The following HEPHL1 variants were observed in gnomAD, a reference collection of about 807,000 sequenced individuals.
The protein encoded by HEPHL1 is ferroxidase HEPHL1.
HEPHL1 carries 123 observed loss-of-function variants against 122.0 expected under a neutral mutation model. That is an observed-to-expected ratio of 1.01 (90% CI 0.87 to 1.17). The LOEUF (loss-of-function observed/expected upper bound fraction) is 1.17, where lower values mean the gene tolerates loss of function less well. HEPHL1 is among the 50% of genes most tolerant of loss of function. The probability of loss-of-function intolerance (pLI) is 0.00; values close to 1 mark genes in which losing one functional copy is unlikely to be tolerated. For missense variants in HEPHL1, 1,452 were observed against 1,430.5 expected (o/e 1.01, Z -0.24); for synonymous variants, 527 against 508.9 (o/e 1.04, Z -0.48).
intron 13 of HEPHL1, among the ~76,000 whole-genome samples, chr11:94,097,331 G>C (rs148516052): frequency 5.6e-4 from 85 of 152,326 alleles, no homozygotes; most frequent in Non-Finnish European, 9.8e-4. Context: ...GTGATTTTGA[G>C]TGAGTTCCTT....
At chr11:94,065,583 T>C (rs1244936708) in intron 4 of HEPHL1, among the ~76,000 whole-genome samples, 2 of 152,180 alleles carry the variant, frequency 1.3e-5, no homozygotes, top group Admixed American at 6.5e-5. Flanking sequence ...TAGTGATTCT[T>C]GGAAAATATT....
intron 14 of HEPHL1, 34 bp downstream of exon 14, chr11:94,101,369 G>A: frequency 6.3e-7 from 1 of 1,591,962 alleles, no homozygotes; most frequent in Non-Finnish European, 8.6e-7. Flanking sequence ...CCATCTTGAA[G>A]AAGAACATTG....
intron 17 of HEPHL1, 72 bp from the exon 18 acceptor site, chr11:94,110,830 TG>T: frequency 8.1e-7 from 1 of 1,232,642 alleles, no homozygotes; most frequent in African/African-American, 1.5e-5. Context: ...TATTTGTTTT[TG>T]CTCTTCTTTC....
chr11:94,111,515 T>G, intron 18 of HEPHL1, 22 bp from the exon 19 acceptor site: 1 of 1,560,206 alleles, frequency 6.4e-7, no homozygotes, highest in East Asian at 2.3e-5. Context: ...AATAAAACAA[T>G]GAACTTGTTT....
intron 10 of HEPHL1, 64 bp downstream of exon 10, chr11:94,082,632 T>C: frequency 1.4e-5 from 20 of 1,458,208 alleles, no homozygotes; most frequent in Non-Finnish European, 1.8e-5. Flanking sequence ...TGAAAATGAT[T>C]GGTGTGTTTG....
At chr11:94,093,364 A>C (rs552738091) in intron 12 of HEPHL1, 137 bp from the exon 13 acceptor site, 15 of 902,938 alleles carry the variant, frequency 1.7e-5, no homozygotes, top group Middle Eastern at 4.5e-4. Flanking sequence ...ATGGTGCAAA[A>C]GGCCTGCTCC....
chr11:94,093,187 G>T (rs544189477), intron 12 of HEPHL1, among the ~76,000 whole-genome samples: 1 of 151,780 alleles, frequency 6.6e-6, no homozygotes, highest in South Asian at 2.1e-4. Flanking sequence ...GAAGAGAGGC[G>T]CAACCTCAAA....
At chr11:94,093,792 C>G (rs999751687) in intron 13 of HEPHL1, among the ~76,000 whole-genome samples, 152 bp downstream of exon 13, 2 of 151,342 alleles carry the variant, frequency 1.3e-5, no homozygotes, top group African/African-American at 2.4e-5. Context: ...CCTGCTCTAC[C>G]ATTATCAGGG....
intron 12 of HEPHL1, among the ~76,000 whole-genome samples, chr11:94,090,160 A>G (rs901700795): frequency 1.3e-5 from 2 of 151,876 alleles, no homozygotes; most frequent in Non-Finnish European, 2.9e-5. Flanking sequence ...AATCCATTCA[A>G]TTACTCACTA....
chr11:94,095,670 CTGTT>C (rs1463451972), intron 13 of HEPHL1, among the ~76,000 whole-genome samples: 4 of 152,124 alleles, frequency 2.6e-5, no homozygotes, highest in East Asian at 1.9e-4. Context: ...GAATATTCTT[CTGTT>C]TGTTTGTGTC....
At chr11:94,071,787 A>C (rs1273859729) in intron 6 of HEPHL1, among the ~76,000 whole-genome samples, 1 of 152,084 alleles carries the variant, frequency 6.6e-6, no homozygotes, top group East Asian at 1.9e-4. Flanking sequence ...ATTATAGAGG[A>C]AGTGAGACTT....
At position 94,030,951 on chromosome 11, in the gene HEPHL1, A is replaced by T. The variant is rs144673764; in HGVS notation, c.170+9413A>T. On this transcript the variant is annotated intron_variant, in intron 1 of 19. Transcript: ENST00000315765. ...TTGGCAAGCCAGAGGTTGAGCAGGG[A>T]TAGTGAGCAGATGCCATGCTCTCTG... 4.0e-3 allele frequency among the ~76,000 whole-genome samples: 610 copies of T among 152,238 alleles called. 3 individuals carry two copies. The highest frequency in any genetic ancestry group is 0.014 in the African/African-American group (586 of 41,528).
chr11:94,092,028 A>T (rs1428333853), intron 12 of HEPHL1, among the ~76,000 whole-genome samples: 1 of 152,184 alleles, frequency 6.6e-6, no homozygotes, highest in Non-Finnish European at 1.5e-5. Flanking sequence ...ACGTTGTTAA[A>T]TGTATAGCTT....
chr11:94,100,498 C>T (rs1332892029), intron 13 of HEPHL1, among the ~76,000 whole-genome samples: 1 of 152,218 alleles, frequency 6.6e-6, no homozygotes, highest in Non-Finnish European at 1.5e-5. Context: ...GAAATGCACA[C>T]ACCAGAGGGG....
chr11:94,023,009 A>G (rs1227862781), intron 1 of HEPHL1, among the ~76,000 whole-genome samples: 3 of 152,248 alleles, frequency 2.0e-5, no homozygotes, highest in African/African-American at 4.8e-5. Flanking sequence ...CCACGTCACT[A>G]TAGCTGTGTA....
At chr11:94,090,693 C>A (rs1459219148) in intron 12 of HEPHL1, among the ~76,000 whole-genome samples, 1 of 152,182 alleles carries the variant, frequency 6.6e-6, no homozygotes, top group African/African-American at 2.4e-5. Context: ...ACATCTGAGG[C>A]ATGTCTGTAG....
rs1946366511 is a variant in HEPHL1 at position 94,101,419 on chromosome 11, C to T, written c.2575+84C>T. The T allele has an allele frequency of 3.7e-6, 5 of 1,359,822 alleles. No homozygotes were observed. The Admixed American group carries it at 8.9e-5, about 24-fold the overall frequency. The allele number at this position is 1,359,822 out of a possible 1,614,324, so 84.2% of individuals were successfully genotyped here. On this transcript the variant is annotated intron_variant, in intron 14 of 19. Transcript: ENST00000315765. Reference sequence around the variant, plus strand: ...CTGGTCTCAGAGGTGTCTTAAAGAGCTCATCTTAATGTCAATGTGTTTCAG... The same window carrying T: ...CTGGTCTCAGAGGTGTCTTAAAGAGTTCATCTTAATGTCAATGTGTTTCAG...
intron 2 of HEPHL1, chr11:94,055,235 AT>A: frequency 7.6e-6 from 2 of 264,468 alleles, no homozygotes; most frequent in Non-Finnish European, 1.5e-5. Context: ...TGCTGCTCAG[AT>A]TTTCCACCAT....
chr11:94,034,465 T>C (rs1000828486), intron 1 of HEPHL1, among the ~76,000 whole-genome samples: 7 of 152,208 alleles, frequency 4.6e-5, no homozygotes, highest in Admixed American at 1.3e-4. Flanking sequence ...GAAATGAAGA[T>C]GAAGCCCTGA....
Sources: gnomAD v4.1 joint callset for allele counts (sites outside exome capture counted in the v4.1 genomes callset) on GRCh38, gnomAD v4.1.1 for gene constraint, MANE v1.5 for transcripts, NCBI Gene and HGNC (gene_info 2026-07-23, HGNC 2026-07-21) for gene names.